Variants in OTOP3 observed in about 807,000 individuals in gnomAD.
The protein encoded by OTOP3 is proton channel OTOP3.
OTOP3 carries 41 observed loss-of-function variants against 50.8 expected under a neutral mutation model. The observed-to-expected ratio is 0.81, with a 90% confidence interval of 0.63 to 1.05. The LOEUF is 1.05. OTOP3 is among the 50% of genes least tolerant of loss of function. The pLI is 0.00. For missense variants in OTOP3, 788 were observed against 760.8 expected (o/e 1.04, Z -0.42); for synonymous variants, 320 against 324.4 (o/e 0.99, Z 0.14).
chr17:74,936,221 G>A (rs1017933934), intron 1 of OTOP3, among the ~76,000 whole-genome samples: 2 of 152,254 alleles, frequency 1.3e-5, no homozygotes, highest in Non-Finnish European at 2.9e-5. Flanking sequence ...AGCAGAAAGC[G>A]CGGAGGCCTG....
chr17:74,944,914 A>G lies in OTOP3; in HGVS notation c.751+1190A>G, dbSNP rs142031393. Among the ~76,000 whole-genome samples the G allele has an allele frequency of 2.2e-3, 329 of 152,254 alleles. 1 individual carries two copies. Among genetic ancestry groups the G allele is most frequent in the African/African-American group, 7.6e-3 (317 of 41,546 alleles). Reference sequence around the variant, plus strand: ...CAGAAATCATGACATTATATCTCAAAATATTTCAGCATGCATCTTTTTTTC... The same window carrying G: ...CAGAAATCATGACATTATATCTCAAGATATTTCAGCATGCATCTTTTTTTC... On this transcript the variant is annotated intron_variant, in intron 5 of 6. Coordinates refer to ENST00000328801, the MANE Select transcript of OTOP3 (RefSeq NM_001272005.2).
Position 74,946,722 on chromosome 17 carries a change from C to T in OTOP3, c.813C>T (p.Gly271=), listed in dbSNP as rs907632845. Residue 271 remains glycine, a synonymous_variant, in exon 6 of 7, where the codon GGC becomes GGT. Transcript: ENST00000328801. ...NATACEAFRR[G]FLMLYPFSTE... ...CCGCGTGTGAAGCTTTCCGGAGAGGCTTCCTGATGCTCTACCCCTTCAGCA... is the reference window on the plus strand; with the variant it reads ...CCGCGTGTGAAGCTTTCCGGAGAGGTTTCCTGATGCTCTACCCCTTCAGCA... 1 of 1,613,218 alleles carries T rather than the reference C, an allele frequency of 6.2e-7. No individual in the cohort carries two copies.
intron 4 of OTOP3, 74 bp downstream of exon 4, chr17:74,943,418 G>C (rs1001195486): frequency 1.0e-5 from 16 of 1,529,396 alleles, no homozygotes; most frequent in Non-Finnish European, 1.5e-5. Flanking sequence ...GGGTGGCCGC[G>C]GGGCTATAGG....
chr17:74,946,621 T>C, intron 5 of OTOP3, 40 bp from the exon 6 acceptor site: 1 of 1,544,490 alleles, frequency 6.5e-7, no homozygotes, highest in Non-Finnish European at 8.8e-7. Flanking sequence ...GAGCAGAGCC[T>C]GCCTGAATGT....
chr17:74,949,131 G>A lies in OTOP3; in HGVS notation c.1567-115G>A, dbSNP rs796880105. 6 of 1,031,188 alleles carry A rather than the reference G, an allele frequency of 5.8e-6. No homozygotes were observed. The African/African-American group carries it at 8.0e-5, about 14-fold the overall frequency. The allele number at this position is 1,031,188 out of a possible 1,614,324, so 63.9% of individuals were successfully genotyped here. ...AGCCCAAGGGTTAGAAGAAGACTGA[G>A]CGGGAGGTGGGGGTGGCACTGGAGG... On this transcript the variant is annotated intron_variant, in intron 6 of 6. Coordinates refer to ENST00000328801, the MANE Select transcript of OTOP3 (RefSeq NM_001272005.2).
At chr17:74,944,385 A>G (rs2039206520) in intron 5 of OTOP3, among the ~76,000 whole-genome samples, 1 of 152,198 alleles carries the variant, frequency 6.6e-6, no homozygotes, top group African/African-American at 2.4e-5. Flanking sequence ...AGCATTCTAT[A>G]TACTCTGCTT....
At chr17:74,938,342 C>G (rs1250488398) in intron 1 of OTOP3, among the ~76,000 whole-genome samples, 3 of 151,702 alleles carry the variant, frequency 2.0e-5, no homozygotes, top group Non-Finnish European at 2.9e-5. Flanking sequence ...CCTGGGGTCT[C>G]AAGGGAGAGA....
intron 1 of OTOP3, among the ~76,000 whole-genome samples, chr17:74,939,744 G>C (rs565351125): frequency 9.2e-5 from 14 of 152,114 alleles, no homozygotes; most frequent in Non-Finnish European, 1.6e-4. Context: ...TCCGGGAGTG[G>C]GGGGAGGGGC....
At position 74,941,465 on chromosome 17, in the gene OTOP3, G is replaced by A. The variant is rs761263942; in HGVS notation, c.92G>A (p.Arg31Gln). The stretch of plus-strand genomic sequence containing the variant: ...GAAGCAGCCCCGGAGAAGGAGAACC[G>A]AGTGGATGTGGGGGCCGAGGAGAGA... ...ETEAAPEKEN[R>Q]VDVGAEERAA... Residue 31 changes from arginine (R) to glutamine (Q), a missense_variant, in exon 2 of 7, where the codon CGA becomes CAA. By Grantham distance (43) the Arg-to-Gln change is conservative (BLOSUM62 1). Coordinates refer to ENST00000328801, the MANE Select transcript of OTOP3 (RefSeq NM_001272005.2). 2.5e-5 allele frequency: 40 copies of A among 1,604,964 alleles called. No individual in the cohort carries two copies. The East Asian group carries it at 2.7e-4, about 11-fold the overall frequency.
rs746158252 is a variant in OTOP3 at position 74,947,052 on chromosome 17, G to A, written c.1143G>A (p.Leu381=). 2 of 1,614,060 alleles carry A rather than the reference G, an allele frequency of 1.2e-6. No individual in the cohort carries two copies. The highest frequency in any genetic ancestry group is 1.7e-6 in the Non-Finnish European group (2 of 1,180,038). ...ACLAGTAIHG[L]EERELDTVKN... ...TGGCGGGCACAGCCATACACGGGCT[G>A]GAGGAGAGAGAGCTGGACACGGTCA... is the stretch of plus-strand genomic sequence containing the variant. Residue 381 remains leucine, a synonymous_variant, in exon 6 of 7, where the codon CTG becomes CTA. Transcript: ENST00000328801.
chr17:74,944,090 C>T (rs1188081876), intron 5 of OTOP3, among the ~76,000 whole-genome samples: 2 of 152,148 alleles, frequency 1.3e-5, no homozygotes, highest in Non-Finnish European at 2.9e-5. Flanking sequence ...GGAATATCTT[C>T]CTAACACAAT....
Position 74,947,073 on chromosome 17 carries a change from G to C in OTOP3, c.1164G>C (p.Thr388=). Residue 388 remains threonine (T), a synonymous_variant, in exon 6 of 7, where the codon ACG becomes ACC. Transcript: ENST00000328801. ...IHGLEERELD[T]VKNPTRSLDV... is the part of the protein sequence containing the mutation. The stretch of plus-strand genomic sequence containing the variant: ...GGCTGGAGGAGAGAGAGCTGGACAC[G>C]GTCAAGAACCCTACCCGCAGCCTGG... 8 of 1,614,110 alleles carry C rather than the reference G, an allele frequency of 5.0e-6. No homozygotes were observed. Among genetic ancestry groups the C allele is most frequent in the Non-Finnish European group, 6.8e-6 (8 of 1,180,052 alleles).
chr17:74,938,600 C>G (rs1408191172), intron 1 of OTOP3, among the ~76,000 whole-genome samples: 4 of 151,982 alleles, frequency 2.6e-5, no homozygotes, highest in African/African-American at 9.7e-5. Context: ...GGAGTAGGGT[C>G]AAAGACAATG....
At chr17:74,948,806 C>A (rs2039253107) in intron 6 of OTOP3, among the ~76,000 whole-genome samples, 1 of 152,138 alleles carries the variant, frequency 6.6e-6, no homozygotes, top group South Asian at 2.1e-4. Context: ...CCACTGCACT[C>A]CAGCCTGAGT....
rs1328664227 is a variant in OTOP3 at position 74,947,559 on chromosome 17, G to T, written c.1566+84G>T. On this transcript the variant is annotated intron_variant, in intron 6 of 6. Coordinates refer to ENST00000328801, the MANE Select transcript of OTOP3 (RefSeq NM_001272005.2). The stretch of plus-strand genomic sequence containing the variant: ...CTCACTCAGGAAGGGATGGATCAAG[G>T]ACACATCTTTTTCCAACTAGCTTGA... 10 of 1,290,806 alleles carry T rather than the reference G, an allele frequency of 7.7e-6. No individual in the cohort carries two copies. In the East Asian group the frequency reaches 2.5e-4, roughly 32 times the overall value. The allele number at this position is 1,290,806 out of a possible 1,614,324, so 80.0% of individuals were successfully genotyped here. A position where few individuals can be genotyped will look rare whatever the true frequency, so the allele number is the denominator to read the frequency against.
chr17:74,938,527 G>A (rs931555121), intron 1 of OTOP3, among the ~76,000 whole-genome samples: 11 of 152,132 alleles, frequency 7.2e-5, no homozygotes, highest in African/African-American at 2.7e-4. Context: ...CAAAGAATAG[G>A]GTGTGGGCAA....
chr17:74,943,372 C>T lies in OTOP3; in HGVS notation c.632+28C>T, dbSNP rs762752067. On this transcript the variant is annotated intron_variant, in intron 4 of 6. Coordinates refer to ENST00000328801, the MANE Select transcript of OTOP3 (RefSeq NM_001272005.2). The stretch of plus-strand genomic sequence containing the variant: ...AAGACTTCTCTCCCTCCCAAACCCT[C>T]TGGCCTCTCTGTCCTCCCCACCACT... The T allele has an allele frequency of 2.5e-6, 4 of 1,605,338 alleles. No homozygotes were observed. The South Asian group carries it at 4.4e-5, about 18-fold the overall frequency.
chr17:74,943,330 G>T lies in OTOP3; in HGVS notation c.618G>T (p.Gln206His). The T allele has an allele frequency of 6.2e-7, 1 of 1,614,162 alleles. No homozygotes were observed. The highest frequency in any genetic ancestry group is 1.1e-5 in the South Asian group (1 of 91,076). The change falls in exon 4 of 7, where the codon CAG (glutamine) becomes CAT (histidine). Residue 206 changes from glutamine (Q) to histidine (H), a missense_variant. Physicochemically the swap from Gln to His is conservative, Grantham distance 24 (BLOSUM62 0). Coordinates refer to ENST00000328801, the MANE Select transcript of OTOP3 (RefSeq NM_001272005.2). ...WKHCKDCVRV[Q>H]TNFTRCGLML... ...ACTGCAAAGACTGTGTTCGGGTCCA[G>T]ACCAACTTCACTAGGTAAGACTTCT... is the stretch of plus-strand genomic sequence containing the variant.
At chr17:74,943,117 G>A (rs1481884624) in intron 3 of OTOP3, among the ~76,000 whole-genome samples, 169 bp from the exon 4 acceptor site, 4 of 152,166 alleles carry the variant, frequency 2.6e-5, no homozygotes, top group Non-Finnish European at 4.4e-5. Flanking sequence ...GCTCAGAGAT[G>A]GTTTGCCACT....
Sources: allele counts gnomAD v4.1 joint callset (sites outside exome capture counted in the v4.1 genomes callset), GRCh38; gene constraint gnomAD v4.1.1; transcripts MANE v1.5; gene names NCBI Gene and HGNC (gene_info 2026-07-23, HGNC 2026-07-21).